CSMD1: variants seen among roughly 807,000 people sequenced by gnomAD.
CSMD1 encodes CUB and sushi domain-containing protein 1.
CSMD1 carries 213 observed loss-of-function variants against 417.5 expected under a neutral mutation model. The observed-to-expected ratio is 0.51, with a 90% CI of 0.46 to 0.57. The LOEUF (loss-of-function observed/expected upper bound fraction) is 0.57. CSMD1 is among the 20% of genes least tolerant of loss of function. The pLI is 0.00. For synonymous variants in CSMD1, 2,862 were observed against 1,736.8 expected (o/e 1.65, Z -16.11); for missense variants, 6,923 against 4,529.7 (o/e 1.53, Z -15.17).
intron 10 of CSMD1, among the ~76,000 whole-genome samples, chr8:3,530,267 T>C (rs1251338123): frequency 1.3e-5 from 2 of 152,312 alleles, no homozygotes; most frequent in East Asian, 3.9e-4. Context: ...TGATTCAATA[T>C]CTTATATTTT....
chr8:3,468,664 C>T, intron 12 of CSMD1, 48 bp downstream of exon 12: 1 of 1,225,150 alleles, frequency 8.2e-7, no homozygotes, highest in Non-Finnish European at 1.2e-6. Context: ...TCTCTGCCCT[C>T]TCTTGGAATG....
At chr8:4,254,010 G>C (rs186573912) in intron 3 of CSMD1, among the ~76,000 whole-genome samples, 4 of 149,746 alleles carry the variant, frequency 2.7e-5, no homozygotes, top group East Asian at 2.0e-4. Context: ...TCTGCCTCCA[G>C]GGTTCATGCC....
chr8:3,958,320 C>CTT (rs74275212), intron 5 of CSMD1, among the ~76,000 whole-genome samples: 10 of 14,716 alleles, frequency 6.8e-4, no homozygotes, highest in South Asian at 2.3e-3. Context: ...TAAACTCTCT[C>CTT]TTTTTTTTTT....
intron 5 of CSMD1, among the ~76,000 whole-genome samples, chr8:3,942,729 C>A: frequency 6.6e-6 from 1 of 152,200 alleles, no homozygotes; most frequent in Admixed American, 6.5e-5. Flanking sequence ...AACATACGCT[C>A]AAAATACTAA....
intron 1 of CSMD1, among the ~76,000 whole-genome samples, chr8:4,834,125 G>T (rs1247598884): frequency 6.6e-6 from 1 of 152,180 alleles, no homozygotes; most frequent in African/African-American, 2.4e-5. Flanking sequence ...TTACATAATT[G>T]AAAGTTTTTA....
intron 4 of CSMD1, among the ~76,000 whole-genome samples, chr8:4,005,094 G>C (rs1261372991): frequency 6.6e-6 from 1 of 152,116 alleles, no homozygotes; most frequent in African/African-American, 2.4e-5. Flanking sequence ...CTATGAGGAT[G>C]CAAAGGAATA....
intron 1 of CSMD1, among the ~76,000 whole-genome samples, chr8:4,916,694 A>G (rs1305819359): frequency 6.6e-6 from 1 of 152,230 alleles, no homozygotes; most frequent in Non-Finnish European, 1.5e-5. Context: ...GATTTTATTT[A>G]ATGAATTGTA....
intron 26 of CSMD1, among the ~76,000 whole-genome samples, chr8:3,257,578 C>T (rs1340463704): frequency 6.6e-6 from 1 of 152,098 alleles, no homozygotes; most frequent in Non-Finnish European, 1.5e-5. Flanking sequence ...TTCAGGTGGG[C>T]TGGTCATGGA....
In CSMD1 at chr8:4,496,359, G is replaced by A. The variant is rs570357176; in HGVS notation, c.303-76294C>T. 8.5e-5 allele frequency among the ~76,000 whole-genome samples: 13 copies of A among 152,288 alleles called. No homozygotes were observed. The South Asian group carries it at 2.7e-3, about 32-fold the overall frequency. ...CTCAGACTGCCTCCAGTGATCAGCA[G>A]CGCAGGAGTCCATCCTGACAGGGGG... is the stretch of plus-strand genomic sequence containing the variant. On this transcript the variant is annotated intron_variant, in intron 2 of 69. Transcript: ENST00000635120.
chr8:4,881,837 A>G (rs761469001), intron 1 of CSMD1, among the ~76,000 whole-genome samples: 1 of 152,090 alleles, frequency 6.6e-6, no homozygotes, highest in Non-Finnish European at 1.5e-5. Flanking sequence ...CCAAGATTCT[A>G]CAATTCGAGC....
intron 3 of CSMD1, among the ~76,000 whole-genome samples, chr8:4,325,512 A>C (rs1394473): frequency 0.84 from 128,247 of 152,162 alleles, 54,130 homozygotes; most frequent in East Asian, 0.99. Context: ...TCATTTTTGC[A>C]TACTCACTTT....
chr8:3,771,279 G>C (rs1005642639), intron 5 of CSMD1, among the ~76,000 whole-genome samples: 67 of 152,150 alleles, frequency 4.4e-4, no homozygotes, highest in African/African-American at 1.5e-3. Context: ...TAGGTCCAGA[G>C]GCTGCACCTG....
At chr8:4,900,335 A>C (rs114382714) in intron 1 of CSMD1, among the ~76,000 whole-genome samples, 1,831 of 152,202 alleles carry the variant, frequency 0.012, 28 homozygotes, top group African/African-American at 0.039. Flanking sequence ...TAGCTACACC[A>C]TTTGTCAACT....
At chr8:3,118,323 T>A in intron 42 of CSMD1, 76 bp downstream of exon 42, 1 of 988,960 alleles carries the variant, frequency 1.0e-6, no homozygotes, top group Admixed American at 2.5e-5. Context: ...AATTACTGGA[T>A]ATGTTCATTT....
At chr8:4,877,726 A>G (rs1417411561) in intron 1 of CSMD1, among the ~76,000 whole-genome samples, 2 of 152,114 alleles carry the variant, frequency 1.3e-5, no homozygotes, top group East Asian at 1.9e-4. Context: ...AAAGAGGAAG[A>G]CAGACTATGT....
intron 2 of CSMD1, among the ~76,000 whole-genome samples, chr8:4,453,502 C>CA (rs1799275397): frequency 6.6e-6 from 1 of 152,212 alleles, no homozygotes; most frequent in Non-Finnish European, 1.5e-5. Context: ...ATGCATCCTT[C>CA]AGGCCTTCTT....
chr8:4,827,436 C>G (rs960245008), intron 1 of CSMD1, among the ~76,000 whole-genome samples: 1 of 152,136 alleles, frequency 6.6e-6, no homozygotes, highest in Admixed American at 6.6e-5. Context: ...GACAGAAACT[C>G]TCTTCTTTGC....
chr8:3,828,385 G>T (rs946261356), intron 5 of CSMD1, among the ~76,000 whole-genome samples: 2 of 152,102 alleles, frequency 1.3e-5, no homozygotes, highest in African/African-American at 4.8e-5. Context: ...TAGTTTTGAG[G>T]AAACTGCGTT....
At chr8:4,681,113 G>A (rs1019314509) in intron 1 of CSMD1, among the ~76,000 whole-genome samples, 8 of 152,062 alleles carry the variant, frequency 5.3e-5, no homozygotes, top group Non-Finnish European at 7.4e-5. Flanking sequence ...CCTGATTAAC[G>A]AAGATGAAAG....
Sources: allele counts gnomAD v4.1 joint callset (sites outside exome capture counted in the v4.1 genomes callset), GRCh38; gene constraint gnomAD v4.1.1; transcripts MANE v1.5; gene names NCBI Gene and HGNC (gene_info 2026-07-23, HGNC 2026-07-21).